LRRTM2: variants seen among roughly 807,000 people sequenced by gnomAD.
LRRTM2 encodes the protein leucine-rich repeat transmembrane neuronal protein 2.
A neutral mutation model predicts 40.7 loss-of-function variants in LRRTM2; 14 were observed. The observed-to-expected ratio is 0.34, with a 90% CI of 0.23 to 0.54. The LOEUF (loss-of-function observed/expected upper bound fraction) is 0.54. Ranked by LOEUF, LRRTM2 falls within the 20% of genes least tolerant of loss-of-function variation. LRRTM2 has a pLI of 0.92. For missense variants in LRRTM2, 468 were observed against 624.4 expected, an observed-to-expected ratio of 0.75 and a Z score of 2.67; for synonymous variants, 223 against 237.6, an observed-to-expected ratio of 0.94 and a Z score of 0.57.
rs1005014385 is a variant in LRRTM2, at chr5:138,872,113, C to T, written c.*897G>A. 1 of 151,684 alleles carries T rather than the reference C, an allele frequency of 6.6e-6. No homozygotes were observed. Among genetic ancestry groups the T allele is most frequent in the East Asian group, 1.9e-4 (1 of 5,162 alleles). 9.4% of individuals were successfully genotyped at this position (151,684 alleles called of 1,614,324 possible). A position where few individuals can be genotyped will look rare whatever the true frequency, so the allele number is the denominator to read the frequency against. ...GCATGTCAGGATTGTTAAATTGACT[C>T]AGTTTGTCTTGTTTATCTCCAAAAT... On this transcript the variant is annotated 3_prime_UTR_variant, in exon 2 of 2. Transcript: ENST00000274711.
Position 138,873,906 on chromosome 5 carries a change from T to C in LRRTM2, c.655A>G (p.Lys219Glu). 6.2e-7 allele frequency: 1 copy of C among 1,614,008 alleles called. No individual in the cohort carries two copies. Among genetic ancestry groups the C allele is most frequent in the South Asian group, 1.1e-5 (1 of 91,078 alleles). The change falls in exon 2 of 2, where the codon AAG becomes GAG. Residue 219 changes from lysine (K) to glutamate (E), a missense_variant. Transcript: ENST00000274711. This position sits in a 1 kb window ranked among gnomAD's most constrained non-coding sequence, Gnocchi z 6.1. ...CGTAGGAAATGAGCAAAATTAATCT[T>C]CGTCAGCTGGTTGTGCTCTAGGTGA... Reference protein sequence around the residue: ...ELHLEHNQLTKINFAHFLRLS... With the variant: ...ELHLEHNQLTEINFAHFLRLS...
Position 138,873,510 on chromosome 5 carries a change from G to C in LRRTM2, c.1051C>G (p.Leu351Val). 1 of 1,614,038 alleles carries C rather than the reference G, an allele frequency of 6.2e-7. No homozygotes were observed. The highest frequency in any genetic ancestry group is 8.5e-7 in the Non-Finnish European group (1 of 1,179,900). The change falls in exon 2 of 2, where the codon CTA becomes GTA. Residue 351 changes from leucine (L) to valine (V), a missense_variant. Leu to Val is a conservative substitution (Grantham distance 32, BLOSUM62 1). Coordinates refer to ENST00000274711, the MANE Select transcript of LRRTM2 (RefSeq NM_015564.3). The surrounding 1 kb of genome is among the most constrained non-coding windows in gnomAD (Gnocchi z 6.1). The stretch of plus-strand genomic sequence containing the variant: ...AGCTGAAATCCATGGACTGCATCTA[G>C]AATATCCTCTCCTTGGGTGTGGTCA... ...SPDHTQGEDI[L>V]DAVHGFQLCW...
chr5:138,874,918 G>C lies in LRRTM2; in HGVS notation c.-7C>G. The stretch of plus-strand genomic sequence containing the variant: ...AATGCACAGACTTACCCATTCTTCT[G>C]AGCACATTGGAGGCTGCATTCAGTC... On this transcript the variant is annotated 5_prime_UTR_variant, in exon 1 of 2. An upstream open reading frame in the 5' UTR gains an earlier in-frame stop. Transcript: ENST00000274711. This position sits in a 1 kb window ranked among gnomAD's most constrained non-coding sequence, Gnocchi z 4.1. The C allele has an allele frequency of 8.1e-6, 13 of 1,613,592 alleles. No homozygotes were observed. Among genetic ancestry groups the C allele is most frequent in the Non-Finnish European group, 1.1e-5 (13 of 1,179,740 alleles).
chr5:138,873,656 G>A lies in LRRTM2; in HGVS notation c.905C>T (p.Ser302Phe), dbSNP rs545994986. The A allele has an allele frequency of 1.2e-6, 2 of 1,613,920 alleles. No individual in the cohort carries two copies. The highest frequency in any genetic ancestry group is 1.3e-5 in the African/African-American group (1 of 74,944). Residue 302 changes from serine to phenylalanine, a missense_variant, in exon 2 of 2, where the codon TCC becomes TTC. Physicochemically the swap from Ser to Phe is radical, Grantham distance 155. Coordinates refer to ENST00000274711, the MANE Select transcript of LRRTM2 (RefSeq NM_015564.3). The surrounding 1 kb of genome is among the most constrained non-coding windows in gnomAD (Gnocchi z 6.1). ...GCCAGAGAGACCAACGGTTGTGAGG[G>A]ATCTCAGGGAGTTTAAGATCTTGGA... is the stretch of plus-strand genomic sequence containing the variant. ...LDSKILNSLRSLTTVGLSGNL... is the reference protein window; with the variant it reads ...LDSKILNSLRFLTTVGLSGNL...
In LRRTM2 at chr5:138,871,518, A is replaced by G. The variant is rs966858300; in HGVS notation, c.*1492T>C. On this transcript the variant is annotated 3_prime_UTR_variant, in exon 2 of 2. Transcript: ENST00000274711. ...ATCCTTATCATTTGTTAACTATGGC[A>G]TGTTTATATTTACATTGGAGGATCT... The G allele has an allele frequency of 6.6e-6, 1 of 152,186 alleles. No homozygotes were observed. The highest frequency in any genetic ancestry group is 1.5e-5 in the Non-Finnish European group (1 of 68,032). 9.4% of individuals were successfully genotyped at this position (152,186 alleles called of 1,614,324 possible). A position where few individuals can be genotyped will look rare whatever the true frequency, so the allele number is the denominator to read the frequency against.
chr5:138,872,789 C>A lies in LRRTM2; in HGVS notation c.*221G>T. The A allele has an allele frequency of 6.9e-6, 3 of 433,608 alleles. No homozygotes were observed. Among genetic ancestry groups the A allele is most frequent in the Non-Finnish European group, 1.2e-5 (3 of 246,524 alleles). 26.9% of individuals were successfully genotyped at this position (433,608 alleles called of 1,614,324 possible). On this transcript the variant is annotated 3_prime_UTR_variant, in exon 2 of 2. Transcript: ENST00000274711. ...TTTTGAAGTAAGCATTTTAGACTTT[C>A]CAACAGGAGTGCAAATTAATGTGAG...
rs1322550470 is a variant in LRRTM2, at chr5:138,871,146, G to A, written c.*1864C>T. On this transcript the variant is annotated 3_prime_UTR_variant, in exon 2 of 2. Transcript: ENST00000274711. ...ACTGGCTAAACTATAGCCTTAACAT[G>A]TTTTCAGTTTGATCCTGGGAAGAAA... is the stretch of plus-strand genomic sequence containing the variant. 7 of 152,128 alleles carry A rather than the reference G, an allele frequency of 4.6e-5. No homozygotes were observed. In the East Asian group the frequency reaches 7.7e-4, roughly 17 times the overall value. 9.4% of individuals were successfully genotyped at this position (152,128 alleles called of 1,614,324 possible). A position where few individuals can be genotyped will look rare whatever the true frequency, so the allele number is the denominator to read the frequency against.
chr5:138,873,889 A>G lies in LRRTM2; in HGVS notation c.672T>C (p.His224=). The change falls in exon 2 of 2, where the codon CAT becomes CAC. Residue 224 remains histidine, a synonymous_variant. Coordinates refer to ENST00000274711, the MANE Select transcript of LRRTM2 (RefSeq NM_015564.3). The surrounding 1 kb of genome is among the most constrained non-coding windows in gnomAD (Gnocchi z 6.1). ...HNQLTKINFA[H]FLRLSSLHTL... ...TGTGCAGACTGCTTAGCCGTAGGAA[A>G]TGAGCAAAATTAATCTTCGTCAGCT... 6.2e-7 allele frequency: 1 copy of G among 1,613,998 alleles called. No homozygotes were observed. The highest frequency in any genetic ancestry group is 8.5e-7 in the Non-Finnish European group (1 of 1,179,886).
In LRRTM2 at chr5:138,875,172, A is replaced by G. The variant is rs552128038; in HGVS notation, c.-261T>C. The G allele has an allele frequency of 5.1e-6, 2 of 389,426 alleles. No individual in the cohort carries two copies. The highest frequency in any genetic ancestry group is 9.1e-6 in the Non-Finnish European group (2 of 220,932). The allele number at this position is 389,426 out of a possible 1,614,324, so 24.1% of individuals were successfully genotyped here. ...TAAGTTATTAAATTTCTCCACCTCT[A>G]ACTGCTCAGCTGGTTAATCAAAGCT... On this transcript the variant is annotated 5_prime_UTR_variant, in exon 1 of 2. Transcript: ENST00000274711.
rs370458185 is a variant in LRRTM2, at chr5:138,875,072, T to C, written c.-161A>G. 5.2e-5 allele frequency: 33 copies of C among 635,808 alleles called. No individual in the cohort carries two copies. The African/African-American group carries it at 5.9e-4, about 11-fold the overall frequency. 39.4% of individuals were successfully genotyped at this position (635,808 alleles called of 1,614,324 possible). ...GAATCCACCAGGACGAGTTGTTTTT[T>C]CCTTAGGATATCCCTCTGGAAAGCA... On this transcript the variant is annotated 5_prime_UTR_variant, in exon 1 of 2. Coordinates refer to ENST00000274711, the MANE Select transcript of LRRTM2 (RefSeq NM_015564.3).
rs1751202137 is a variant in LRRTM2, at chr5:138,875,115, G to C, written c.-204C>G. On this transcript the variant is annotated 5_prime_UTR_variant, in exon 1 of 2. In the 5' UTR this introduces an upstream ATG that the reference lacks. Transcript: ENST00000274711. ...GGAAAGCATTGGTTTCATTTTCTGT[G>C]ATTGCTCTGATCCCTAAATCAGTTT... The C allele has an allele frequency of 1.9e-6, 1 of 527,856 alleles. No homozygotes were observed. The highest frequency in any genetic ancestry group is 3.3e-6 in the Non-Finnish European group (1 of 301,872). 32.7% of individuals were successfully genotyped at this position (527,856 alleles called of 1,614,324 possible). A position where few individuals can be genotyped will look rare whatever the true frequency, so the allele number is the denominator to read the frequency against.
In LRRTM2 at chr5:138,871,280, A is replaced by G. The variant is rs1171191475; in HGVS notation, c.*1730T>C. 6.6e-6 allele frequency: 1 copy of G among 152,242 alleles called. No homozygotes were observed. The highest frequency in any genetic ancestry group is 1.5e-5 in the Non-Finnish European group (1 of 68,032). The allele number at this position is 152,242 out of a possible 1,614,324, so 9.4% of individuals were successfully genotyped here. A position where few individuals can be genotyped will look rare whatever the true frequency, so the allele number is the denominator to read the frequency against. On this transcript the variant is annotated 3_prime_UTR_variant, in exon 2 of 2. Transcript: ENST00000274711. ...GGTTTTATGTCTTTTTTCTACATACAGTAAATGGCAGTTGTAAAAAATGCT... is the reference window on the plus strand; with the variant it reads ...GGTTTTATGTCTTTTTTCTACATACGGTAAATGGCAGTTGTAAAAAATGCT...
In LRRTM2 at chr5:138,874,411, C is replaced by A. The variant is rs370092949; in HGVS notation, c.150G>T (p.Gln50His). ...TGGCGTTTGGCACTGAGTGGAAGCC[C>A]TGAGAGTCGCAGTAGAAGAGCAGCT... ...CEKLLFYCDS[Q>H]GFHSVPNATD... Residue 50 changes from glutamine (Q) to histidine (H), a missense_variant, in exon 2 of 2, where the codon CAG becomes CAT. Coordinates refer to ENST00000274711, the MANE Select transcript of LRRTM2 (RefSeq NM_015564.3). The surrounding 1 kb of genome is among the most constrained non-coding windows in gnomAD (Gnocchi z 4.1). The A allele has an allele frequency of 6.2e-7, 1 of 1,613,910 alleles. No homozygotes were observed. The highest frequency in any genetic ancestry group is 1.7e-5 in the Admixed American group (1 of 60,006).
chr5:138,873,213 G>A lies in LRRTM2; in HGVS notation c.1348C>T (p.Pro450Ser), dbSNP rs1250566358. The A allele has an allele frequency of 2.5e-6, 4 of 1,613,928 alleles. No individual in the cohort carries two copies. Among genetic ancestry groups the A allele is most frequent in the Non-Finnish European group, 2.5e-6 (3 of 1,179,872 alleles). The change falls in exon 2 of 2, where the codon CCC becomes TCC. Residue 450 changes from proline to serine, a missense_variant. Coordinates refer to ENST00000274711, the MANE Select transcript of LRRTM2 (RefSeq NM_015564.3). This position sits in a 1 kb window ranked among gnomAD's most constrained non-coding sequence, Gnocchi z 6.1. ...CACTGCCTAATTCTTCTTAAAGTGG[G>A]AGGGCAGCACTTCCTGGAGATGAAC... is the stretch of plus-strand genomic sequence containing the variant. ...IVFISRKCCP[P>S]TLRRIRQCSM...
rs1751241694 is a variant in LRRTM2, at chr5:138,875,323, A to G, written c.-412T>C. On this transcript the variant is annotated 5_prime_UTR_variant, in exon 1 of 2. Coordinates refer to ENST00000274711, the MANE Select transcript of LRRTM2 (RefSeq NM_015564.3). ...ATTTACTGAAAAGCTTTTCCGAGAA[A>G]CGGCACAAGAATGGATTTGCTTATG... 2.2e-6 allele frequency: 2 copies of G among 922,752 alleles called. No individual in the cohort carries two copies. Among genetic ancestry groups the G allele is most frequent in the South Asian group, 4.6e-5 (1 of 21,728 alleles). 57.2% of individuals were successfully genotyped at this position (922,752 alleles called of 1,614,324 possible).
Position 138,874,480 on chromosome 5 carries a change from C to T in LRRTM2, c.81G>A (p.Leu27=), listed in dbSNP as rs200540275. ...GTGGACACGCCATACCCAGGGCAGGCAGCATTTTTAAAACCATACTCATTG... is the reference window on the plus strand; with the variant it reads ...GTGGACACGCCATACCCAGGGCAGGTAGCATTTTTAAAACCATACTCATTG... ...IYAMSMVLKM[L]PALGMACPPK... is the part of the protein sequence containing the mutation. Residue 27 remains leucine, a synonymous_variant, in exon 2 of 2, where the codon CTG becomes CTA. Coordinates refer to ENST00000274711, the MANE Select transcript of LRRTM2 (RefSeq NM_015564.3). The surrounding 1 kb of genome is among the most constrained non-coding windows in gnomAD (Gnocchi z 4.1). The T allele has an allele frequency of 8.9e-5, 143 of 1,612,180 alleles. No individual in the cohort carries two copies. The East Asian group carries it at 2.8e-3, about 32-fold the overall frequency.
rs1765085045 is a variant in LRRTM2, at chr5:138,869,083, G to A, written c.*3927C>T. ...CCAAAAAGAAAAATGGCTCTTGAAG[G>A]TGATTGAACACAATGTATTTGGACT... On this transcript the variant is annotated 3_prime_UTR_variant, in exon 2 of 2. Transcript: ENST00000274711. 6.8e-6 allele frequency: 1 copy of A among 147,102 alleles called. No homozygotes were observed. Among genetic ancestry groups the A allele is most frequent in the East Asian group, 2.0e-4 (1 of 4,922 alleles). The allele number at this position is 147,102 out of a possible 1,614,324, so 9.1% of individuals were successfully genotyped here.
Position 138,869,688 on chromosome 5 carries a change from A to C in LRRTM2, c.*3322T>G. On this transcript the variant is annotated 3_prime_UTR_variant, in exon 2 of 2. Coordinates refer to ENST00000274711, the MANE Select transcript of LRRTM2 (RefSeq NM_015564.3). ...GGGCTCATTTTTATTGGAAAGATGG[A>C]GTCTAGCTCTTGGTGACTAGCATTA... The C allele has an allele frequency of 6.6e-6, 1 of 152,622 alleles. No individual in the cohort carries two copies. The highest frequency in any genetic ancestry group is 1.9e-4 in the East Asian group (1 of 5,200). The allele number at this position is 152,622 out of a possible 1,614,324, so 9.5% of individuals were successfully genotyped here.
In LRRTM2 at chr5:138,873,982, C is replaced by T. The variant is rs1750977251; in HGVS notation, c.579G>A (p.Leu193=). The change falls in exon 2 of 2, where the codon TTG becomes TTA. Residue 193 remains leucine, a synonymous_variant. Transcript: ENST00000274711. The surrounding 1 kb of genome is among the most constrained non-coding windows in gnomAD (Gnocchi z 6.1). ...CAAATCCATTGCGAGCCAAACTTCG[C>T]AAACGATTTGTGCTCAAATCCAGAA... ...LEFLDLSTNR[L]RSLARNGFAG... 1 of 1,613,900 alleles carries T rather than the reference C, an allele frequency of 6.2e-7. No homozygotes were observed. Among genetic ancestry groups the T allele is most frequent in the South Asian group, 1.1e-5 (1 of 91,088 alleles).
Sources: allele counts gnomAD v4.1 joint callset, GRCh38; gene constraint gnomAD v4.1.1; non-coding constraint Gnocchi (gnomAD v3.1); transcripts MANE v1.5; gene names NCBI Gene and HGNC (gene_info 2026-07-23, HGNC 2026-07-21).